The following DACH1 variants were observed in gnomAD, a reference collection of about 807,000 sequenced individuals.
DACH1 encodes the protein dachshund homolog 1.
A neutral mutation model predicts 54.2 loss-of-function variants in DACH1; 12 were observed. The observed-to-expected ratio is 0.22, with a 90% CI of 0.14 to 0.36. The LOEUF is 0.36. DACH1 is among the 10% of genes least tolerant of loss of function. The probability of loss-of-function intolerance (pLI) is 1.00; values close to 1 mark genes in which losing one functional copy is unlikely to be tolerated. For synonymous variants in DACH1, 386 were observed against 366.2 expected (o/e 1.05, Z -0.62); for missense variants, 805 against 929.8 (o/e 0.87, Z 1.75).
At chr13:71,605,954 T>C (rs1488114805) in intron 3 of DACH1, among the ~76,000 whole-genome samples, 1 of 152,056 alleles carries the variant, frequency 6.6e-6, no homozygotes, top group Non-Finnish European at 1.5e-5. Flanking sequence ...GGTGGCACTT[T>C]GCAGCTATCA....
chr13:71,718,664 C>G (rs1883096794), intron 1 of DACH1, among the ~76,000 whole-genome samples: 6 of 151,720 alleles, frequency 4.0e-5, no homozygotes. Flanking sequence ...CTCAGTATAT[C>G]AGGATGTTGT....
intron 1 of DACH1, among the ~76,000 whole-genome samples, chr13:71,837,616 C>T (rs1342642483): frequency 1.3e-5 from 2 of 152,014 alleles, no homozygotes; most frequent in East Asian, 3.9e-4. Context: ...GGAATGATGG[C>T]AGGCAAAACA....
chr13:71,851,162 T>C (rs1396180660), intron 1 of DACH1, among the ~76,000 whole-genome samples: 1 of 152,200 alleles, frequency 6.6e-6, no homozygotes, highest in Non-Finnish European at 1.5e-5. Flanking sequence ...TCATCAGACA[T>C]TTGCTGTTGA....
intron 1 of DACH1, among the ~76,000 whole-genome samples, chr13:71,748,900 CTTTCTTTCTTTCTT>C (rs1884773629): frequency 1.8e-4 from 4 of 22,200 alleles, no homozygotes; most frequent in South Asian, 1.4e-3. Context: ...CTTTCTTTCT[CTTTCTTTCTTTCTT>C]TCTTTCTTTC....
At chr13:71,685,907 TG>T (rs1458277449) in intron 1 of DACH1, among the ~76,000 whole-genome samples, 1 of 152,212 alleles carries the variant, frequency 6.6e-6, no homozygotes, top group Non-Finnish European at 1.5e-5. Context: ...TTTGTATCTT[TG>T]TTAGAAATAA....
chr13:71,744,308 C>G (rs140854376), intron 1 of DACH1, among the ~76,000 whole-genome samples: 61 of 152,276 alleles, frequency 4.0e-4, no homozygotes, highest in Non-Finnish European at 6.8e-4. Flanking sequence ...CCAGATAAGG[C>G]ACTTAGAATT....
intron 6 of DACH1, among the ~76,000 whole-genome samples, chr13:71,508,711 C>T (rs1014768018): frequency 2.0e-5 from 3 of 152,084 alleles, no homozygotes; most frequent in African/African-American, 7.2e-5. Context: ...ACGCCATCCT[C>T]CTGCCTCAGC....
intron 3 of DACH1, among the ~76,000 whole-genome samples, chr13:71,621,505 C>T (rs1876233769): frequency 1.3e-5 from 2 of 151,970 alleles, no homozygotes; most frequent in African/African-American, 4.8e-5. Context: ...TGCTTTCAAG[C>T]TTGCTGTGCA....
intron 1 of DACH1, among the ~76,000 whole-genome samples, chr13:71,851,427 C>T (rs1305079425): frequency 6.6e-6 from 1 of 151,778 alleles, no homozygotes; most frequent in Non-Finnish European, 1.5e-5. Flanking sequence ...TTATTATGCC[C>T]CCTTCTTGAA....
chr13:71,709,138 C>T (rs1027072285), intron 1 of DACH1, among the ~76,000 whole-genome samples: 30 of 152,074 alleles, frequency 2.0e-4, no homozygotes, highest in Middle Eastern at 3.2e-3. Context: ...CAGGCGTGAG[C>T]CACCGTGCCT....
chr13:71,610,300 G>A (rs1333781510), intron 3 of DACH1, among the ~76,000 whole-genome samples: 1 of 152,102 alleles, frequency 6.6e-6, no homozygotes, highest in Non-Finnish European at 1.5e-5. Flanking sequence ...GTACAAAAAT[G>A]TTTATATTCG....
At chr13:71,757,125 A>G (rs529435157) in intron 1 of DACH1, among the ~76,000 whole-genome samples, 3 of 152,238 alleles carry the variant, frequency 2.0e-5, no homozygotes, top group African/African-American at 7.2e-5. Context: ...AAGCAAAAAT[A>G]GTTTATTTAG....
chr13:71,602,959 T>C (rs1874612893), intron 3 of DACH1, among the ~76,000 whole-genome samples: 1 of 152,018 alleles, frequency 6.6e-6, no homozygotes, highest in African/African-American at 2.4e-5. Context: ...ATAAGCTACT[T>C]GAATATTTTT....
At chr13:71,649,313 G>A (rs906878294) in intron 2 of DACH1, among the ~76,000 whole-genome samples, 1 of 152,104 alleles carries the variant, frequency 6.6e-6, no homozygotes, top group Non-Finnish European at 1.5e-5. Context: ...ACATTTCTCA[G>A]AATGTATCTT....
intron 2 of DACH1, among the ~76,000 whole-genome samples, chr13:71,665,809 G>C (rs1879793257): frequency 6.6e-6 from 1 of 152,046 alleles, no homozygotes; most frequent in South Asian, 2.1e-4. Flanking sequence ...ATAAGTGATA[G>C]TGAAAACAAG....
intron 6 of DACH1, among the ~76,000 whole-genome samples, chr13:71,489,984 T>C (rs1447156752): frequency 6.6e-6 from 1 of 152,180 alleles, no homozygotes; most frequent in East Asian, 1.9e-4. Flanking sequence ...TTTTATTCAG[T>C]TTTCTTTATT....
At chr13:71,511,407 C>T (rs747149327) in intron 6 of DACH1, among the ~76,000 whole-genome samples, 8 of 151,640 alleles carry the variant, frequency 5.3e-5, no homozygotes, top group Non-Finnish European at 1.0e-4. Flanking sequence ...ATTAAACAAA[C>T]GAGGAAATTA....
At chr13:71,797,277 G>A (rs565313876) in intron 1 of DACH1, among the ~76,000 whole-genome samples, 133 of 152,074 alleles carry the variant, frequency 8.7e-4, no homozygotes, top group Non-Finnish European at 1.5e-3. Flanking sequence ...CACCCTGAAG[G>A]ATTTAGAAAA....
At chr13:71,783,841 T>A (rs374482347) in intron 1 of DACH1, among the ~76,000 whole-genome samples, 1 of 137,078 alleles carries the variant, frequency 7.3e-6, no homozygotes. Flanking sequence ...TGATTTAAGG[T>A]TTTTTTTTTG....
Sources: allele counts gnomAD v4.1 joint callset (sites outside exome capture counted in the v4.1 genomes callset), GRCh38; gene constraint gnomAD v4.1.1; transcripts MANE v1.5; gene names NCBI Gene and HGNC (gene_info 2026-07-23, HGNC 2026-07-21).